Variants in SNX24 observed in about 807,000 individuals in gnomAD.
SNX24 encodes the protein sorting nexin-24.
A neutral mutation model predicts 28.7 loss-of-function variants in SNX24; 22 were observed. The observed-to-expected ratio is 0.77, with a 90% confidence interval of 0.55 to 1.10. The LOEUF is 1.10. SNX24 is among the 50% of genes least tolerant of loss of function. The probability of loss-of-function intolerance (pLI) is 0.00; values close to 1 mark genes in which losing one functional copy is unlikely to be tolerated. For synonymous variants in SNX24, 69 were observed against 71.5 expected (o/e 0.96, Z 0.18); for missense variants, 221 against 201.1 (o/e 1.10, Z -0.60).
At chr5:122,957,210 A>T (rs1760251853) in intron 3 of SNX24, among the ~76,000 whole-genome samples, 1 of 152,138 alleles carries the variant, frequency 6.6e-6, no homozygotes, top group Non-Finnish European at 1.5e-5. Context: ...TTAGGTAAGG[A>T]TCCAGTTTCA....
At chr5:122,929,426 A>G (rs1165914653) in intron 1 of SNX24, among the ~76,000 whole-genome samples, 3 of 150,154 alleles carry the variant, frequency 2.0e-5, no homozygotes, top group Non-Finnish European at 4.4e-5. Context: ...TATATTGAGT[A>G]TAGCTCCAAT....
At position 122,946,113 on chromosome 5, in the gene SNX24, C is replaced by G; in HGVS notation, c.203C>G (p.Pro68Arg). ...IPSKHVRNWV[P>R]KVLEQRRQGL... The stretch of plus-strand genomic sequence containing the variant: ...TCTAAACATGTTAGGAACTGGGTCC[C>G]CAAAGTCTTGGAACAGCGACGACAA... The change falls in exon 3 of 7, where the codon CCC (proline) becomes CGC (arginine). Residue 68 changes from proline (P) to arginine (R), a missense_variant. Transcript: ENST00000261369. 6.2e-7 allele frequency: 1 copy of G among 1,611,852 alleles called. No homozygotes were observed. Among genetic ancestry groups the G allele is most frequent in the Non-Finnish European group, 8.5e-7 (1 of 1,178,516 alleles).
intron 5 of SNX24, among the ~76,000 whole-genome samples, chr5:123,016,011 T>G (rs759647490): frequency 1.3e-5 from 2 of 152,206 alleles, no homozygotes; most frequent in Non-Finnish European, 2.9e-5. Flanking sequence ...TACATGAATT[T>G]TATACCTAGT....
intron 1 of SNX24, among the ~76,000 whole-genome samples, chr5:122,862,538 C>T (rs1218226219): frequency 1.3e-5 from 2 of 148,262 alleles, no homozygotes; most frequent in African/African-American, 5.0e-5. Flanking sequence ...GGAGGCAGAG[C>T]TTGCAGTGAG....
intron 1 of SNX24, among the ~76,000 whole-genome samples, chr5:122,934,210 A>G (rs1191627179): frequency 6.6e-6 from 1 of 152,108 alleles, no homozygotes; most frequent in African/African-American, 2.4e-5. Context: ...GGAGGCCGCC[A>G]CCTCACGAGG....
At chr5:122,961,237 G>T (rs1305531527) in intron 3 of SNX24, among the ~76,000 whole-genome samples, 1 of 152,150 alleles carries the variant, frequency 6.6e-6, no homozygotes, top group Non-Finnish European at 1.5e-5. Context: ...CCCTAACCCT[G>T]ACAACTCAGG....
At chr5:122,937,447 T>C (rs1277847127) in intron 2 of SNX24, among the ~76,000 whole-genome samples, 1 of 152,200 alleles carries the variant, frequency 6.6e-6, no homozygotes, top group Non-Finnish European at 1.5e-5. Flanking sequence ...GAAATGGTTA[T>C]TAAAGCACAG....
At chr5:122,957,252 G>C (rs1760253595) in intron 3 of SNX24, among the ~76,000 whole-genome samples, 1 of 152,124 alleles carries the variant, frequency 6.6e-6, no homozygotes, top group Non-Finnish European at 1.5e-5. Context: ...AGTTTTCCTA[G>C]CACAATTTGT....
chr5:122,885,432 T>G (rs985605980), intron 1 of SNX24, among the ~76,000 whole-genome samples: 2 of 152,208 alleles, frequency 1.3e-5, no homozygotes, highest in African/African-American at 4.8e-5. Flanking sequence ...CAGCCCCTCC[T>G]CACTTTTGTA....
chr5:122,957,436 A>G (rs1160747578), intron 3 of SNX24, among the ~76,000 whole-genome samples: 1 of 152,242 alleles, frequency 6.6e-6, no homozygotes, highest in Non-Finnish European at 1.5e-5. Flanking sequence ...GAAAGTTTTG[A>G]AATCAGGAAG....
At chr5:123,024,094 G>A in intron 5 of SNX24, 1 of 1,472,784 alleles carries the variant, frequency 6.8e-7, no homozygotes, top group Non-Finnish European at 9.1e-7. Flanking sequence ...AAAAGCCCAA[G>A]TGGGAAGGAA....
chr5:122,996,199 A>G (rs1274643679), intron 3 of SNX24, among the ~76,000 whole-genome samples: 1 of 152,186 alleles, frequency 6.6e-6, no homozygotes, highest in South Asian at 2.1e-4. Context: ...GCAAGGCAGC[A>G]TACCCTCCAG....
At chr5:122,865,902 G>A (rs1249519654) in intron 1 of SNX24, among the ~76,000 whole-genome samples, 1 of 152,144 alleles carries the variant, frequency 6.6e-6, no homozygotes, top group Non-Finnish European at 1.5e-5. Context: ...TAGAATCCTT[G>A]AGTGATGTTT....
chr5:122,887,002 A>G (rs939793335), intron 1 of SNX24, among the ~76,000 whole-genome samples: 2 of 152,134 alleles, frequency 1.3e-5, no homozygotes, highest in African/African-American at 4.8e-5. Context: ...TAATTTATTC[A>G]TATCCGTACT....
chr5:122,984,939 G>C (rs771429238), intron 3 of SNX24, among the ~76,000 whole-genome samples: 3 of 152,138 alleles, frequency 2.0e-5, no homozygotes. Context: ...AGAAAAAAAG[G>C]TATAGTGAAC....
chr5:122,884,612 CA>C, intron 1 of SNX24, among the ~76,000 whole-genome samples: 1 of 152,254 alleles, frequency 6.6e-6, no homozygotes, highest in South Asian at 2.1e-4. Context: ...TCTATAATTA[CA>C]GTTCCAACTG....
intron 3 of SNX24, among the ~76,000 whole-genome samples, chr5:122,954,785 G>T (rs1457018790): frequency 6.6e-6 from 1 of 151,700 alleles, no homozygotes; most frequent in Non-Finnish European, 1.5e-5. Context: ...TTTTAAAAAG[G>T]CTGTTTTCAA....
intron 1 of SNX24, among the ~76,000 whole-genome samples, chr5:122,931,683 A>G (rs1379455349): frequency 6.6e-6 from 1 of 152,164 alleles, no homozygotes; most frequent in Admixed American, 6.5e-5. Flanking sequence ...TGTATATTTC[A>G]GATTCCCAGC....
chr5:122,953,682 G>A (rs1760067695), intron 3 of SNX24, among the ~76,000 whole-genome samples: 1 of 152,170 alleles, frequency 6.6e-6, no homozygotes. Flanking sequence ...TCATGGAGTT[G>A]TGCATACGTT....
Sources: gnomAD v4.1 joint callset for allele counts (sites outside exome capture counted in the v4.1 genomes callset) on GRCh38, gnomAD v4.1.1 for gene constraint, MANE v1.5 for transcripts, NCBI Gene and HGNC (gene_info 2026-07-23, HGNC 2026-07-21) for gene names.